Variants in AIG1 observed in about 807,000 individuals in gnomAD.
The protein encoded by AIG1 is androgen-induced gene 1 protein.
In AIG1, 23 loss-of-function variants were observed where a neutral mutation model predicts 31.4. That is an observed-to-expected ratio of 0.73 (90% CI 0.53 to 1.04). The LOEUF is 1.04. Among genes scored for constraint, AIG1 ranks in the 50% least tolerant of loss-of-function variants. The pLI, the probability that AIG1 is intolerant of heterozygous loss-of-function variation, is 0.00. For synonymous variants in AIG1, 100 were observed against 110.5 expected (o/e 0.90, Z 0.60); for missense variants, 274 against 295.0 (o/e 0.93, Z 0.52).
intron 3 of AIG1, among the ~76,000 whole-genome samples, chr6:143,211,541 T>A (rs1791588308): frequency 6.6e-6 from 1 of 152,190 alleles, no homozygotes; most frequent in Non-Finnish European, 1.5e-5. Context: ...AAGTCCTTCA[T>A]ATGTGAACAT....
chr6:143,128,955 G>A (rs1782948256), intron 1 of AIG1, among the ~76,000 whole-genome samples: 1 of 152,162 alleles, frequency 6.6e-6, no homozygotes, highest in Non-Finnish European at 1.5e-5. Context: ...AGAAATAGTA[G>A]CATAACCCAA....
chr6:143,310,335 G>T (rs1428708201), intron 4 of AIG1, among the ~76,000 whole-genome samples: 2 of 151,722 alleles, frequency 1.3e-5, no homozygotes, highest in African/African-American at 2.4e-5. Flanking sequence ...ATCAATAAAA[G>T]AAAAATGGCT....
intron 3 of AIG1, among the ~76,000 whole-genome samples, chr6:143,234,271 CTT>C (rs1391623640): frequency 6.6e-6 from 1 of 152,200 alleles, no homozygotes; most frequent in Non-Finnish European, 1.5e-5. Flanking sequence ...TTTATAATCT[CTT>C]GTTACACAAA....
intron 3 of AIG1, among the ~76,000 whole-genome samples, chr6:143,242,193 G>A (rs1013640107): frequency 6.6e-6 from 1 of 152,252 alleles, no homozygotes; most frequent in Admixed American, 6.5e-5. Flanking sequence ...AAGCAAGAAC[G>A]CAGCCAAATT....
At position 143,089,720 on chromosome 6, in the gene AIG1, G is replaced by T. The variant is rs72988581; in HGVS notation, c.141+28654G>T. On this transcript the variant is annotated intron_variant, in intron 1 of 5. Transcript: ENST00000357847. The stretch of plus-strand genomic sequence containing the variant: ...TATGAAGAGATCACGTGGCAAGGGA[G>T]GAAGCAAGAGAGAGAGGAGAGGTGC... 4.5e-3 allele frequency among the ~76,000 whole-genome samples: 679 copies of T among 152,188 alleles called. 5 individuals are homozygous for T. Among genetic ancestry groups the T allele is most frequent in the Non-Finnish European group, 6.8e-3 (465 of 67,992 alleles).
In AIG1 at chr6:143,091,349, T is replaced by C. The variant is rs182462975; in HGVS notation, c.141+30283T>C. 8.1e-4 allele frequency among the ~76,000 whole-genome samples: 123 copies of C among 152,334 alleles called. 2 individuals are homozygous for C. The highest frequency in any genetic ancestry group is 1.3e-3 in the Non-Finnish European group (86 of 68,024). On this transcript the variant is annotated intron_variant, in intron 1 of 5. Transcript: ENST00000357847. ...GCTTGTAGAATGGTGAATCCTCTGG[T>C]GTTTAGCTATGTATAGAATGGCTCA...
intron 3 of AIG1, among the ~76,000 whole-genome samples, chr6:143,199,907 C>A (rs1790553032): frequency 1.3e-5 from 2 of 152,030 alleles, no homozygotes; most frequent in South Asian, 4.2e-4. Flanking sequence ...ATATTATAAG[C>A]TTTAAAGGAA....
chr6:143,174,992 A>C (rs902709304), intron 3 of AIG1, among the ~76,000 whole-genome samples: 14 of 152,198 alleles, frequency 9.2e-5, no homozygotes, highest in Non-Finnish European at 2.9e-5. Context: ...CAGTTCTTAT[A>C]GTGCTGGCTT....
chr6:143,150,668 TTG>T (rs1785138348), intron 2 of AIG1, among the ~76,000 whole-genome samples: 1 of 152,024 alleles, frequency 6.6e-6, no homozygotes, highest in Non-Finnish European at 1.5e-5. Flanking sequence ...TGAACCACAT[TTG>T]TGCTTGAAGA....
At chr6:143,069,287 G>A (rs1370389520) in intron 1 of AIG1, among the ~76,000 whole-genome samples, 4 of 152,142 alleles carry the variant, frequency 2.6e-5, no homozygotes, top group Admixed American at 2.6e-4. Context: ...GAAGTATTGG[G>A]ATTACAGGCA....
chr6:143,069,818 T>A (rs1226805573), intron 1 of AIG1, among the ~76,000 whole-genome samples: 3 of 152,236 alleles, frequency 2.0e-5, no homozygotes, highest in African/African-American at 7.2e-5. Context: ...AAATTTACCA[T>A]TTTTCTTCTT....
At chr6:143,217,436 A>C (rs1792116260) in intron 3 of AIG1, among the ~76,000 whole-genome samples, 2 of 152,244 alleles carry the variant, frequency 1.3e-5, no homozygotes, top group African/African-American at 4.8e-5. Flanking sequence ...TGTTGAATTG[A>C]ATTGAAATTT....
chr6:143,180,876 G>A (rs995931661), intron 3 of AIG1, among the ~76,000 whole-genome samples: 15 of 152,074 alleles, frequency 9.9e-5, no homozygotes, highest in African/African-American at 3.4e-4. Context: ...TTTAGGCAAC[G>A]ATTTATTCTC....
At chr6:143,227,179 A>G (rs9399430) in intron 3 of AIG1, among the ~76,000 whole-genome samples, 30,512 of 151,934 alleles carry the variant, frequency 0.2, 3,622 homozygotes, top group East Asian at 0.37. Flanking sequence ...AAGGTAAAAG[A>G]CTTCTTGGAA....
At chr6:143,303,584 T>G (rs1345778060) in intron 4 of AIG1, among the ~76,000 whole-genome samples, 235 of 151,928 alleles carry the variant, frequency 1.5e-3, no homozygotes, top group African/African-American at 5.4e-3. Context: ...CATTGATCTA[T>G]ATCTCTGTTT....
intron 2 of AIG1, among the ~76,000 whole-genome samples, chr6:143,137,256 T>C (rs923999501): frequency 6.6e-6 from 1 of 152,188 alleles, no homozygotes; most frequent in Non-Finnish European, 1.5e-5. Flanking sequence ...CTTCTGACTG[T>C]GTCTTCACAC....
At chr6:143,084,582 G>C (rs192855947) in intron 1 of AIG1, among the ~76,000 whole-genome samples, 3 of 152,116 alleles carry the variant, frequency 2.0e-5, no homozygotes, top group Non-Finnish European at 2.9e-5. Flanking sequence ...CCAGGCCTAA[G>C]GCGGACTTTT....
chr6:143,314,752 T>C (rs1775596851), intron 4 of AIG1, among the ~76,000 whole-genome samples: 1 of 152,176 alleles, frequency 6.6e-6, no homozygotes, highest in South Asian at 2.1e-4. Context: ...AATCTATAGA[T>C]TTAACCCTTT....
intron 1 of AIG1, among the ~76,000 whole-genome samples, chr6:143,135,070 T>C (rs1562411858): frequency 6.6e-6 from 1 of 152,166 alleles, no homozygotes; most frequent in Non-Finnish European, 1.5e-5. Flanking sequence ...AGATTTGCAT[T>C]CCTACCATAA....
Sources: allele counts gnomAD v4.1 joint callset (sites outside exome capture counted in the v4.1 genomes callset), GRCh38; gene constraint gnomAD v4.1.1; transcripts MANE v1.5; gene names NCBI Gene and HGNC (gene_info 2026-07-23, HGNC 2026-07-21).